The following SGCZ variants were observed in gnomAD, a reference collection of about 807,000 sequenced individuals.
SGCZ encodes the protein sarcoglycan zeta.
A neutral mutation model predicts 41.3 loss-of-function variants in SGCZ; 40 were observed. That is an observed-to-expected ratio of 0.97 (90% CI 0.75 to 1.26). The LOEUF (loss-of-function observed/expected upper bound fraction) is 1.26. Among genes scored for constraint, SGCZ ranks in the 50% most tolerant of loss-of-function variants. SGCZ has a pLI of 0.00. For missense variants in SGCZ, 552 were observed against 369.8 expected, an observed-to-expected ratio of 1.49 and a Z score of -4.04; for synonymous variants, 206 against 137.5, an observed-to-expected ratio of 1.50 and a Z score of -3.49.
chr8:15,197,163 A>G (rs1193411712), intron 1 of SGCZ, among the ~76,000 whole-genome samples: 1 of 152,216 alleles, frequency 6.6e-6, no homozygotes, highest in Non-Finnish European at 1.5e-5. Context: ...TCACAGCTAC[A>G]TTGTTCAATC....
rs185244521 is a variant in SGCZ at position 14,127,460 on chromosome 8, T to G, written c.548-19225A>C. ...TTTATTTATTCATTTTTATTTCTAT[T>G]TATTTATTTTTTTGATACTGAGTCT... On this transcript the variant is annotated intron_variant, in intron 5 of 7. Transcript: ENST00000382080. Among the ~76,000 whole-genome samples, 250 of 152,236 alleles carry G rather than the reference T, an allele frequency of 1.6e-3. 4 individuals are homozygous for G. The highest frequency in any genetic ancestry group is 0.014 in the Middle Eastern group (4 of 294).
At chr8:14,174,579 G>A (rs1040739551) in intron 4 of SGCZ, among the ~76,000 whole-genome samples, 5 of 151,966 alleles carry the variant, frequency 3.3e-5, no homozygotes, top group East Asian at 3.9e-4. Context: ...CCACCTAAGC[G>A]CATCTTAGTG....
intron 1 of SGCZ, among the ~76,000 whole-genome samples, chr8:15,073,125 C>T (rs1232426638): frequency 7.6e-6 from 1 of 131,226 alleles, no homozygotes; most frequent in Non-Finnish European, 1.7e-5. Flanking sequence ...TACTAAAGGC[C>T]AGTGCTGCAA....
At chr8:14,926,516 ATGT>A (rs1056373337) in intron 1 of SGCZ, among the ~76,000 whole-genome samples, 5 of 152,172 alleles carry the variant, frequency 3.3e-5, no homozygotes, top group Non-Finnish European at 7.3e-5. Flanking sequence ...TTCTAAACAA[ATGT>A]TGTACTGAAA....
At chr8:14,250,247 G>A (rs974522255) in intron 3 of SGCZ, among the ~76,000 whole-genome samples, 4 of 152,096 alleles carry the variant, frequency 2.6e-5, no homozygotes, top group Non-Finnish European at 5.9e-5. Flanking sequence ...AGATCAAGTA[G>A]AACATTGCAA....
At chr8:14,179,536 C>A (rs1466607187) in intron 4 of SGCZ, among the ~76,000 whole-genome samples, 1 of 152,136 alleles carries the variant, frequency 6.6e-6, no homozygotes, top group Non-Finnish European at 1.5e-5. Context: ...CCACCTCAGT[C>A]TCCCTGTTTC....
At chr8:15,231,537 C>A (rs1228801722) in intron 1 of SGCZ, among the ~76,000 whole-genome samples, 1 of 151,402 alleles carries the variant, frequency 6.6e-6, no homozygotes, top group African/African-American at 2.4e-5. Flanking sequence ...ATAGATAAAC[C>A]CATGTTTCTA....
chr8:14,634,445 T>C (rs1364411351), intron 1 of SGCZ, among the ~76,000 whole-genome samples: 1 of 151,892 alleles, frequency 6.6e-6, no homozygotes, highest in Non-Finnish European at 1.5e-5. Flanking sequence ...GGCCACTTAA[T>C]ATGAATTAAA....
At chr8:14,622,000 T>C (rs999902523) in intron 1 of SGCZ, among the ~76,000 whole-genome samples, 1 of 152,090 alleles carries the variant, frequency 6.6e-6, no homozygotes, top group Non-Finnish European at 1.5e-5. Context: ...ATTTGTGCTC[T>C]ACAGATACAA....
intron 2 of SGCZ, among the ~76,000 whole-genome samples, chr8:14,476,019 T>C (rs553722373): frequency 2.0e-5 from 3 of 151,936 alleles, no homozygotes; most frequent in Non-Finnish European, 4.4e-5. Context: ...GTTGCCCTGG[T>C]TGATCTTGGC....
At chr8:14,281,374 C>T (rs539240482) in intron 3 of SGCZ, among the ~76,000 whole-genome samples, 5 of 152,006 alleles carry the variant, frequency 3.3e-5, no homozygotes, top group South Asian at 4.2e-4. Context: ...CTATTAGCTC[C>T]GTTCTCCACT....
At chr8:14,325,336 T>C (rs1202212244) in intron 2 of SGCZ, among the ~76,000 whole-genome samples, 1 of 151,892 alleles carries the variant, frequency 6.6e-6, no homozygotes, top group Non-Finnish European at 1.5e-5. Flanking sequence ...CATCCAAGGT[T>C]TCACAACTAA....
At chr8:14,095,478 C>A (rs536050130) in intron 7 of SGCZ, among the ~76,000 whole-genome samples, 2 of 151,236 alleles carry the variant, frequency 1.3e-5, no homozygotes, top group East Asian at 3.9e-4. Flanking sequence ...GTTTTGGTAC[C>A]AGTACCATGC....
At position 14,234,867 on chromosome 8, in the gene SGCZ, TTG is replaced by T. The variant is rs933529786; in HGVS notation, c.424+2723_424+2724del. Among the ~76,000 whole-genome samples, 4 of 152,176 alleles carry T rather than the reference TTG, an allele frequency of 2.6e-5. 1 individual carries two copies. Among genetic ancestry groups the T allele is most frequent in the Non-Finnish European group, 5.9e-5 (4 of 67,996 alleles). On this transcript the variant is annotated intron_variant, in intron 4 of 7. Transcript: ENST00000382080. ...CTGAACATGGGATACACTTTCTGTG[TTG>T]TGTTTTGTAACGTATCTCTCAACAG... is the stretch of plus-strand genomic sequence containing the variant.
intron 2 of SGCZ, among the ~76,000 whole-genome samples, chr8:14,519,610 A>G (rs7819490): frequency 6.6e-6 from 1 of 152,130 alleles, no homozygotes; most frequent in South Asian, 2.1e-4. Flanking sequence ...CTAAGAATCA[A>G]TGAAGAATGG....
intron 1 of SGCZ, among the ~76,000 whole-genome samples, chr8:14,772,652 C>T (rs961495075): frequency 1.4e-5 from 2 of 143,716 alleles, no homozygotes; most frequent in African/African-American, 5.2e-5. Context: ...CTGTTCAATT[C>T]CCACCTATGA....
At position 14,432,689 on chromosome 8, in the gene SGCZ, C is replaced by T. The variant is rs1268437812; in HGVS notation, c.235-108485G>A. On this transcript the variant is annotated intron_variant, in intron 2 of 7. Transcript: ENST00000382080. ...AGCACTTTGGGAGGCTGAGGCGGGC[C>T]GATCACCTGAGGTCGGGAGTTCGAG... Among the ~76,000 whole-genome samples, 7 of 151,924 alleles carry T rather than the reference C, an allele frequency of 4.6e-5. No individual in the cohort carries two copies. The East Asian group carries it at 7.8e-4, about 17-fold the overall frequency.
At chr8:14,267,363 A>G (rs1799909246) in intron 3 of SGCZ, among the ~76,000 whole-genome samples, 1 of 152,066 alleles carries the variant, frequency 6.6e-6, no homozygotes, top group Non-Finnish European at 1.5e-5. Flanking sequence ...TAGCGTTATC[A>G]TTTAAATTTT....
chr8:14,953,022 G>C (rs977469701), intron 1 of SGCZ, among the ~76,000 whole-genome samples: 18 of 152,214 alleles, frequency 1.2e-4, no homozygotes, highest in African/African-American at 4.3e-4. Flanking sequence ...ACTTCTTGAA[G>C]ATAAGGTGAA....
Sources: allele counts gnomAD v4.1 joint callset (sites outside exome capture counted in the v4.1 genomes callset), GRCh38; gene constraint gnomAD v4.1.1; transcripts MANE v1.5; gene names NCBI Gene and HGNC (gene_info 2026-07-23, HGNC 2026-07-21).